USP35: variants seen among roughly 807,000 people sequenced by gnomAD.
USP35 encodes the protein ubiquitin carboxyl-terminal hydrolase 35.
In USP35, 69 loss-of-function variants were observed where a neutral mutation model predicts 83.8. The ratio of observed to expected loss-of-function variants is 0.82; its 90% CI spans 0.68 to 1.01. USP35 has a LOEUF of 1.01. USP35 is among the 50% of genes least tolerant of loss of function. The probability of loss-of-function intolerance (pLI) is 0.00; values close to 1 mark genes in which losing one functional copy is unlikely to be tolerated. For missense variants in USP35, 1,503 were observed against 1,362.5 expected (o/e 1.10, Z -1.62); for synonymous variants, 714 against 589.5 (o/e 1.21, Z -3.06).
At chr11:78,231,618 G>C in the USP35 span, among the ~76,000 whole-genome samples, 1 of 152,202 alleles carries the variant, frequency 6.6e-6, no homozygotes, top group Non-Finnish European at 1.5e-5. Context: ...AAAGTGCTGG[G>C]ATTACAGGCG....
At chr11:78,203,545 G>A (rs942666871) in intron 6 of USP35, among the ~76,000 whole-genome samples, 1 of 151,964 alleles carries the variant, frequency 6.6e-6, no homozygotes, top group Non-Finnish European at 1.5e-5. Flanking sequence ...AAGTATGTAT[G>A]TCGTAATTAT....
downstream of USP35, chr11:78,215,479 A>G (rs1352062195): frequency 1.3e-5 from 2 of 152,670 alleles, no homozygotes; most frequent in Non-Finnish European, 2.9e-5. Context: ...AGAATAAATT[A>G]ATAACTTAAG....
In USP35 at chr11:78,213,982, T is replaced by TAA. The variant is rs933824250; in HGVS notation, c.*170_*171dup. 1.0e-5 allele frequency: 7 copies of TAA among 701,858 alleles called. No individual in the cohort carries two copies. The African/African-American group carries it at 1.1e-4, about 11-fold the overall frequency. 43.5% of individuals were successfully genotyped at this position (701,858 alleles called of 1,614,324 possible). Reference sequence around the variant, plus strand: ...TTCTCTCAGATATGGAAGTAAGACCTAAGTCCCTTTCATTGGGGATCAGTC... The same window carrying TAA: ...TTCTCTCAGATATGGAAGTAAGACCTAAAAGTCCCTTTCATTGGGGATCAGTC... On this transcript the variant is annotated 3_prime_UTR_variant, in exon 11 of 11. Transcript: ENST00000529308.
At chr11:78,219,107 C>G (rs972885322), downstream of USP35, 1 of 651,956 alleles carries the variant, frequency 1.5e-6, no homozygotes, top group Non-Finnish European at 2.6e-6. Context: ...AGGCCCTCAC[C>G]TCCCAGGGGA....
In USP35 at chr11:78,209,684, G is replaced by C. The variant is rs754873295; in HGVS notation, c.1829G>C (p.Arg610Pro). 5.0e-6 allele frequency: 8 copies of C among 1,613,850 alleles called. No individual in the cohort carries two copies. The East Asian group carries it at 1.6e-4, about 31-fold the overall frequency. ...FPPPERCRRR[R>P]LGSVMRPTED... Reference sequence around the variant, plus strand: ...CCTCCTGAGCGCTGTCGCCGCCGCCGCCTGGGCTCTGTGATGCGCCCCACA... The same window carrying C: ...CCTCCTGAGCGCTGTCGCCGCCGCCCCCTGGGCTCTGTGATGCGCCCCACA... The change falls in exon 10 of 11, where the codon CGC becomes CCC. Residue 610 changes from arginine (R) to proline (P), a missense_variant. Transcript: ENST00000529308.
chr11:78,232,748 A>AAAAAGAGAT, the USP35 span, among the ~76,000 whole-genome samples: 14 of 152,214 alleles, frequency 9.2e-5, no homozygotes, highest in African/African-American at 3.4e-4. Flanking sequence ...ACATAAATGA[A>AAAAAGAGAT]AAAAGAGATA....
Position 78,200,203 on chromosome 11 carries a change from C to A in USP35, c.1007C>A (p.Thr336Asn). ...ALSVLKYMLL[T>N]FQHSHEAFHL... ...TCTGTGCTCAAGTACATGCTCCTGA[C>A]CTTCCAGCACTCCCACGAAGCCTTC... The change falls in exon 5 of 11, where the codon ACC (threonine) becomes AAC (asparagine). Residue 336 changes from threonine to asparagine, a missense_variant. Coordinates refer to ENST00000529308, the MANE Select transcript of USP35 (RefSeq NM_020798.4). 6.2e-7 allele frequency: 1 copy of A among 1,614,178 alleles called. No individual in the cohort carries two copies. Among genetic ancestry groups the A allele is most frequent in the Non-Finnish European group, 8.5e-7 (1 of 1,180,006 alleles).
downstream of USP35, chr11:78,216,391 G>A (rs1164442357): frequency 6.6e-6 from 1 of 152,200 alleles, no homozygotes; most frequent in Admixed American, 6.5e-5. Context: ...TAGGCCAAAG[G>A]ACCAGTTTTT....
At chr11:78,234,023 A>T in the USP35 span, among the ~76,000 whole-genome samples, 1 of 152,310 alleles carries the variant, frequency 6.6e-6, no homozygotes, top group African/African-American at 2.4e-5. Context: ...TTTCTGTCCT[A>T]TATAAAAATC....
At chr11:78,224,045 G>A in the USP35 span, among the ~76,000 whole-genome samples, 1 of 152,088 alleles carries the variant, frequency 6.6e-6, no homozygotes, top group Non-Finnish European at 1.5e-5. Context: ...TCATGCCACT[G>A]CACTCCAGCC....
chr11:78,203,728 G>A (rs1020480774), intron 6 of USP35, among the ~76,000 whole-genome samples: 5 of 150,628 alleles, frequency 3.3e-5, no homozygotes, highest in Admixed American at 1.3e-4. Flanking sequence ...ACAGGCGCCT[G>A]CCACCACGCC....
Position 78,215,001 on chromosome 11 carries a change from G to A in USP35, c.*1188G>A, listed in dbSNP as rs979475345. Among the ~76,000 whole-genome samples, 1 of 152,136 alleles carries A rather than the reference G, an allele frequency of 6.6e-6. No individual in the cohort carries two copies. Among genetic ancestry groups the A allele is most frequent in the South Asian group, 2.1e-4 (1 of 4,832 alleles). ...AGGGGCTGCCTGCTGTGATGGTGGT[G>A]TGGAGTTTGGGCCCAATGTCACAGA... On this transcript the variant is annotated 3_prime_UTR_variant, in exon 11 of 11. Transcript: ENST00000529308.
intron 4 of USP35, 127 bp from the exon 5 acceptor site, chr11:78,200,006 C>G (rs1400029853): frequency 9.5e-7 from 1 of 1,055,302 alleles, no homozygotes; most frequent in Non-Finnish European, 1.4e-6. Flanking sequence ...TCTGTGAGCA[C>G]CTCAGTGTTG....
At chr11:78,226,256 T>C in the USP35 span, among the ~76,000 whole-genome samples, 2 of 152,210 alleles carry the variant, frequency 1.3e-5, no homozygotes, top group Non-Finnish European at 2.9e-5. Context: ...TGGGGCTAGC[T>C]CTGTTAGACA....
chr11:78,236,250 A>G, the USP35 span, among the ~76,000 whole-genome samples: 1 of 152,208 alleles, frequency 6.6e-6, no homozygotes, highest in Admixed American at 6.5e-5. Flanking sequence ...TGTTCACTGC[A>G]TACTGTAAAA....
At chr11:78,220,301 C>T in the USP35 span, 4 of 1,611,668 alleles carry the variant, frequency 2.5e-6, no homozygotes, top group Non-Finnish European at 3.4e-6. Flanking sequence ...ACTGCCCCCC[C>T]AACTCTACTC....
At position 78,196,979 on chromosome 11, in the gene USP35, A is replaced by G; in HGVS notation, c.673+61A>G. ...GGAGGTCCTGGGTGGGCGCTTGGGT[A>G]GGTGGCTGTACGTGTGGATTTGTGC... On this transcript the variant is annotated intron_variant, in intron 2 of 10. Coordinates refer to ENST00000529308, the MANE Select transcript of USP35 (RefSeq NM_020798.4). This position sits in a 1 kb window ranked among gnomAD's most constrained non-coding sequence, Gnocchi z 4.8. 3.5e-6 allele frequency: 5 copies of G among 1,419,900 alleles called. No individual in the cohort carries two copies. Among genetic ancestry groups the G allele is most frequent in the Non-Finnish European group, 4.6e-6 (5 of 1,091,932 alleles). 88.0% of individuals were successfully genotyped at this position (1,419,900 alleles called of 1,614,324 possible). A position where few individuals can be genotyped will look rare whatever the true frequency, so the allele number is the denominator to read the frequency against.
chr11:78,196,864 C>G lies in USP35; in HGVS notation c.619C>G (p.Pro207Ala), dbSNP rs1392938996. The G allele has an allele frequency of 1.3e-6, 2 of 1,489,318 alleles. No homozygotes were observed. Among genetic ancestry groups the G allele is most frequent in the South Asian group, 2.5e-5 (2 of 78,478 alleles). 92.3% of individuals were successfully genotyped at this position (1,489,318 alleles called of 1,614,324 possible). ...GLLAQLWRAQ[P>A]AAILPCLKEL... ...CCTGGCGCAGCTGTGGCGCGCACAG[C>G]CCGCCGCCATCCTGCCCTGCCTCAA... Residue 207 changes from proline (P) to alanine (A), a missense_variant, in exon 2 of 11, where the codon CCC becomes GCC. Pro to Ala is a conservative substitution (Grantham distance 27). Transcript: ENST00000529308. This position sits in a 1 kb window ranked among gnomAD's most constrained non-coding sequence, Gnocchi z 4.8.
At chr11:78,223,076 A>C in the USP35 span, among the ~76,000 whole-genome samples, 2 of 151,766 alleles carry the variant, frequency 1.3e-5, no homozygotes, top group Non-Finnish European at 1.5e-5. Flanking sequence ...TAGCTATCCT[A>C]CTCCTCCCTT....
Sources: gnomAD v4.1 joint callset for allele counts (sites outside exome capture counted in the v4.1 genomes callset) on GRCh38, gnomAD v4.1.1 for gene constraint, Gnocchi (gnomAD v3.1) non-coding constraint, MANE v1.5 for transcripts, NCBI Gene and HGNC (gene_info 2026-07-23, HGNC 2026-07-21) for gene names.